WDR70: variants seen among roughly 807,000 people sequenced by gnomAD.
WDR70 encodes the protein WD repeat domain 70, also known as WD repeat-containing protein 70.
WDR70 carries 53 observed loss-of-function variants against 88.6 expected under a neutral mutation model. That is an observed-to-expected ratio of 0.60 (90% confidence interval 0.48 to 0.75). The LOEUF (loss-of-function observed/expected upper bound fraction) is 0.75, where lower values mean the gene tolerates loss of function less well. Among genes scored for constraint, WDR70 ranks in the 30% least tolerant of loss-of-function variants. The pLI is 0.00. For missense variants in WDR70, 610 were observed against 823.2 expected, an observed-to-expected ratio of 0.74 and a Z score of 3.17; for synonymous variants, 280 against 270.0, an observed-to-expected ratio of 1.04 and a Z score of -0.36.
At chr5:37,744,807 G>T (rs1748592356) in intron 17 of WDR70, among the ~76,000 whole-genome samples, 1 of 152,072 alleles carries the variant, frequency 6.6e-6, no homozygotes, top group African/African-American at 2.4e-5. Flanking sequence ...ACCTATGATT[G>T]ATTGGAGTAC....
At chr5:37,607,183 C>A (rs1744055544) in intron 10 of WDR70, among the ~76,000 whole-genome samples, 1 of 151,624 alleles carries the variant, frequency 6.6e-6, no homozygotes, top group Non-Finnish European at 1.5e-5. Context: ...CCTCAGGGAT[C>A]CACCCACCTT....
At chr5:37,566,452 A>G (rs57245350) in intron 9 of WDR70, among the ~76,000 whole-genome samples, 87,214 of 151,788 alleles carry the variant, frequency 0.57, 27,113 homozygotes, top group Non-Finnish European at 0.69. Context: ...CCCCCAAATC[A>G]GGACAAATAC....
intron 7 of WDR70, among the ~76,000 whole-genome samples, chr5:37,465,176 TG>T (rs1204033625): frequency 6.6e-6 from 1 of 152,248 alleles, no homozygotes; most frequent in African/African-American, 2.4e-5. Flanking sequence ...AAGGATACCA[TG>T]GGGCCAGAGC....
At chr5:37,509,692 G>A (rs1387092166) in intron 8 of WDR70, among the ~76,000 whole-genome samples, 5 of 151,610 alleles carry the variant, frequency 3.3e-5, no homozygotes, top group Non-Finnish European at 7.4e-5. Context: ...GTCGATCTTC[G>A]CATGACTCAC....
rs1750588708 is a variant in WDR70 at position 37,439,584 on chromosome 5, G to A, written c.552+1603G>A. Among the ~76,000 whole-genome samples, 3 of 146,908 alleles carry A rather than the reference G, an allele frequency of 2.0e-5. No homozygotes were observed. The South Asian group carries it at 6.4e-4, about 31-fold the overall frequency. On this transcript the variant is annotated intron_variant, in intron 6 of 17. Coordinates refer to ENST00000265107, the MANE Select transcript of WDR70 (RefSeq NM_018034.4). ...AATACTCCAGTATGTTTTACACATT[G>A]AAAATCAATTAGAGTGTCTAATTAT...
chr5:37,379,583 C>G (rs371538175), intron 2 of WDR70, 29 bp downstream of exon 2: 256 of 1,612,608 alleles, frequency 1.6e-4, no homozygotes, highest in Non-Finnish European at 2.0e-4. Context: ...CAGAGACCCT[C>G]TTCCTTGTGC....
At position 37,523,832 on chromosome 5, in the gene WDR70, T is replaced by C. The variant is rs527837261; in HGVS notation, c.917+7242T>C. Among the ~76,000 whole-genome samples the C allele has an allele frequency of 3.9e-5, 6 of 152,294 alleles. No homozygotes were observed. In the East Asian group the frequency reaches 1.2e-3, roughly 29 times the overall value. On this transcript the variant is annotated intron_variant, in intron 9 of 17. Transcript: ENST00000265107. ...CATGGCAGGAGAACTATGCGACGCA[T>C]GCACAAGCTTCAATAGCTGATTCAA...
At chr5:37,471,801 A>G (rs1208961839) in intron 7 of WDR70, among the ~76,000 whole-genome samples, 5 of 152,040 alleles carry the variant, frequency 3.3e-5, no homozygotes, top group Non-Finnish European at 7.3e-5. Context: ...TAAAATAAGG[A>G]CAAAGATTTA....
intron 7 of WDR70, among the ~76,000 whole-genome samples, chr5:37,455,419 T>A (rs1158408672): frequency 1.3e-5 from 2 of 151,690 alleles, no homozygotes; most frequent in African/African-American, 4.8e-5. Flanking sequence ...TTTTTGTATT[T>A]TTAGTAGAGA....
At chr5:37,524,137 A>G (rs940844643) in intron 9 of WDR70, among the ~76,000 whole-genome samples, 1 of 152,188 alleles carries the variant, frequency 6.6e-6, no homozygotes, top group Non-Finnish European at 1.5e-5. Flanking sequence ...GAACACCACA[A>G]AGATACTCCT....
intron 8 of WDR70, chr5:37,505,655 A>G (rs545676508): frequency 8.7e-6 from 7 of 800,208 alleles, no homozygotes; most frequent in East Asian, 2.4e-5. Context: ...AAATGTTTTC[A>G]TCTTGTACAT....
chr5:37,523,134 G>A (rs1201788020), intron 9 of WDR70, among the ~76,000 whole-genome samples: 1 of 152,194 alleles, frequency 6.6e-6, no homozygotes, highest in Non-Finnish European at 1.5e-5. Flanking sequence ...AGAGAGTAGT[G>A]GTTCTCCTAG....
intron 8 of WDR70, among the ~76,000 whole-genome samples, chr5:37,486,031 T>G (rs1581327234): frequency 6.6e-6 from 1 of 152,106 alleles, no homozygotes; most frequent in Admixed American, 6.5e-5. Context: ...ATATATTAAA[T>G]AAGCACACAT....
intron 9 of WDR70, among the ~76,000 whole-genome samples, chr5:37,525,949 C>G (rs187349347): frequency 3.3e-5 from 5 of 152,194 alleles, no homozygotes; most frequent in East Asian, 1.9e-4. Flanking sequence ...TTTGAATCCA[C>G]GAATAGAGCA....
chr5:37,645,761 C>T (rs751599590), intron 10 of WDR70, among the ~76,000 whole-genome samples: 8 of 151,946 alleles, frequency 5.3e-5, no homozygotes, highest in Non-Finnish European at 1.0e-4. Context: ...GTCATGAAAT[C>T]GATTTTGTCT....
At chr5:37,606,261 T>C (rs1241441146) in intron 10 of WDR70, among the ~76,000 whole-genome samples, 1 of 152,196 alleles carries the variant, frequency 6.6e-6, no homozygotes, top group Non-Finnish European at 1.5e-5. Context: ...AAAATATCTT[T>C]GGCATTTTCT....
chr5:37,486,473 A>G (rs1440374185), intron 8 of WDR70, among the ~76,000 whole-genome samples: 1 of 145,180 alleles, frequency 6.9e-6, no homozygotes, highest in African/African-American at 2.5e-5. Flanking sequence ...CATCCTGAGT[A>G]GCCGGGATTA....
intron 5 of WDR70, among the ~76,000 whole-genome samples, chr5:37,410,193 GTTTTTTTT>G (rs952637754): frequency 8.4e-6 from 1 of 119,456 alleles, no homozygotes; most frequent in Non-Finnish European, 1.8e-5. Flanking sequence ...GAGTTTGTTA[GTTTTTTTT>G]TTTTTTTTTT....
intron 10 of WDR70, among the ~76,000 whole-genome samples, chr5:37,686,586 A>G (rs746149417): frequency 1.3e-5 from 2 of 151,256 alleles, no homozygotes; most frequent in South Asian, 2.1e-4. Context: ...AAAAGTATAA[A>G]AACCAGCCAG....
Sources: gnomAD v4.1 joint callset for allele counts (sites outside exome capture counted in the v4.1 genomes callset) on GRCh38, gnomAD v4.1.1 for gene constraint, MANE v1.5 for transcripts, NCBI Gene and HGNC (gene_info 2026-07-23, HGNC 2026-07-21) for gene names.